Variants in CHAF1A observed in about 807,000 individuals in gnomAD.
CHAF1A encodes CAF-1 subunit A.
Under a neutral mutation model 93.2 loss-of-function variants are expected in CHAF1A, and 5 were observed. The observed-to-expected ratio is 0.05, with a 90% CI of 0.03 to 0.11. CHAF1A has a LOEUF of 0.11. Among genes scored for constraint, CHAF1A ranks in the 10% least tolerant of loss-of-function variants. The pLI is 1.00. For synonymous variants in CHAF1A, 504 were observed against 510.3 expected, an observed-to-expected ratio of 0.99 and a Z score of 0.17; for missense variants, 1,102 against 1,259.9, an observed-to-expected ratio of 0.87 and a Z score of 1.90.
chr19:4,446,364 C>T (rs1453179047), downstream of CHAF1A: 3 of 1,573,324 alleles, frequency 1.9e-6, no homozygotes, highest in Middle Eastern at 3.3e-4. Context: ...TCCTCCTTCT[C>T]CCGCATGGCC....
chr19:4,423,040 C>T (rs983957417), intron 5 of CHAF1A, among the ~76,000 whole-genome samples: 10 of 152,322 alleles, frequency 6.6e-5, no homozygotes, highest in Middle Eastern at 3.4e-3. Flanking sequence ...GACCATCCTT[C>T]CAGTTCCCAA....
intron 7 of CHAF1A, 22 bp from the exon 8 acceptor site, chr19:4,428,642 T>C (rs954529748): frequency 6.3e-7 from 1 of 1,597,170 alleles, no homozygotes; most frequent in Non-Finnish European, 8.6e-7. Context: ...GAAGACCCCA[T>C]CGGGTCTCTT....
intron 3 of CHAF1A, among the ~76,000 whole-genome samples, chr19:4,411,793 G>A (rs1019961315): frequency 6.6e-6 from 1 of 151,622 alleles, no homozygotes; most frequent in Non-Finnish European, 1.5e-5. Flanking sequence ...GATTACAGGT[G>A]CCCACCACCA....
chr19:4,445,270 G>T, downstream of CHAF1A: 1 of 607,780 alleles, frequency 1.6e-6, no homozygotes, highest in Non-Finnish European at 2.8e-6. Flanking sequence ...ATTTGTTGGT[G>T]TCCCCAGGCC....
chr19:4,403,161 C>A (rs901883724), intron 1 of CHAF1A, among the ~76,000 whole-genome samples: 1 of 152,156 alleles, frequency 6.6e-6, no homozygotes, highest in Admixed American at 6.5e-5. Context: ...GCGTTTGTGT[C>A]CCTTGACCAT....
chr19:4,431,887 CAA>C, intron 11 of CHAF1A, 63 bp from the exon 12 acceptor site: 2 of 1,538,090 alleles, frequency 1.3e-6, no homozygotes, highest in South Asian at 1.3e-5. Context: ...ACTGGTTCCT[CAA>C]AAGAGTGCCC....
chr19:4,450,725 C>T, the CHAF1A span: 9 of 125,238 alleles, frequency 7.2e-5, no homozygotes, highest in East Asian at 1.1e-3. Context: ...CGCCACTGCA[C>T]TCCAGCCTGG....
intron 3 of CHAF1A, among the ~76,000 whole-genome samples, chr19:4,413,707 G>T (rs929107092): frequency 6.6e-6 from 1 of 152,152 alleles, no homozygotes; most frequent in African/African-American, 2.4e-5. Context: ...AGTTTGTTCC[G>T]ATACAGGTCC....
chr19:4,445,196 G>A, downstream of CHAF1A: 1 of 371,594 alleles, frequency 2.7e-6, no homozygotes, highest in South Asian at 2.5e-5. Context: ...TGCCCAGGGA[G>A]ATGCCACGTG....
chr19:4,446,535 G>A, downstream of CHAF1A: 2 of 1,611,976 alleles, frequency 1.2e-6, no homozygotes, highest in Non-Finnish European at 8.5e-7. Context: ...CCTCTGCTGT[G>A]AGGTTGAAGA....
At chr19:4,403,149 A>G (rs1973616561) in intron 1 of CHAF1A, among the ~76,000 whole-genome samples, 1 of 152,046 alleles carries the variant, frequency 6.6e-6, no homozygotes, top group Non-Finnish European at 1.5e-5. Context: ...AGGTTACTGG[A>G]TGCGTTTGTG....
intron 3 of CHAF1A, among the ~76,000 whole-genome samples, chr19:4,415,064 C>T (rs1041679586): frequency 6.6e-6 from 1 of 151,966 alleles, no homozygotes; most frequent in Non-Finnish European, 1.5e-5. Flanking sequence ...TTGGGATTGT[C>T]GGTTTTTGTG....
the CHAF1A span, chr19:4,450,786 A>AAAAAAGG: frequency 2.1e-5 from 3 of 139,770 alleles, no homozygotes; most frequent in Non-Finnish European, 4.6e-5. Context: ...AAAAAAAAAA[A>AAAAAAGG]GAGTGCCTAC....
At chr19:4,412,160 T>C (rs1973817064) in intron 3 of CHAF1A, among the ~76,000 whole-genome samples, 1 of 152,230 alleles carries the variant, frequency 6.6e-6, no homozygotes, top group Non-Finnish European at 1.5e-5. Context: ...CCATTGGGCA[T>C]CCTGTAGTGT....
Position 4,411,642 on chromosome 19 carries a change from A to ATTTTTTTTTTTTTTTTTT in CHAF1A, c.960+1884_960+1885insTTTTTTTTTTTTTTTTTT, listed in dbSNP as rs1202069647. Among the ~76,000 whole-genome samples the ATTTTTTTTTTTTTTTTTT allele has an allele frequency of 1.3e-3, 50 of 38,014 alleles. 1 individual carries two copies. Among genetic ancestry groups the ATTTTTTTTTTTTTTTTTT allele is most frequent in the Non-Finnish European group, 1.6e-3 (26 of 16,664 alleles). 24.9% of individuals were successfully genotyped at this position (38,014 alleles called of 152,430 possible). ...ATGAAATGTTGTAAAAATGGTGCAA[A>ATTTTTTTTTTTTTTTTTT]TCTTTTTTTTTTTTTTTTTTTTTGA... On this transcript the variant is annotated intron_variant, in intron 3 of 14. Transcript: ENST00000301280.
Position 4,429,777 on chromosome 19 carries a change from C to T in CHAF1A, c.1843C>T (p.His615Tyr). 1 of 1,613,270 alleles carries T rather than the reference C, an allele frequency of 6.2e-7. No homozygotes were observed. The highest frequency in any genetic ancestry group is 8.5e-7 in the Non-Finnish European group (1 of 1,179,572). Residue 615 changes from histidine (H) to tyrosine (Y), a missense_variant, in exon 10 of 15, where the codon CAC (histidine) becomes TAC (tyrosine). His to Tyr is a moderately conservative substitution (Grantham distance 83). Around this residue, in one of 6 missense-constraint regions of CHAF1A, gnomAD observed 335 missense variants for 361.9 expected, o/e 0.93. Coordinates refer to ENST00000301280, the MANE Select transcript of CHAF1A (RefSeq NM_005483.3). Reference protein sequence around the residue: ...EEEEPGESLSHSEGDDDDDMG... With the variant: ...EEEEPGESLSYSEGDDDDDMG... ...AGAGGAGCCTGGGGAGTCCCTGTCC[C>T]ACAGTGAGGGGGTAAGGATGTGCCC...
chr19:4,446,917 G>T (rs758984301), downstream of CHAF1A: 1 of 1,613,670 alleles, frequency 6.2e-7, no homozygotes, highest in African/African-American at 1.3e-5. Flanking sequence ...CAGTTAATGC[G>T]CTCCTGGGGG....
chr19:4,406,636 T>C lies in CHAF1A; in HGVS notation c.103+674T>C, dbSNP rs879695292. ...TTTTAGTAGAGATGGGGTTTTACCATGTTGGCCGGGATGGTCTCGATCTCC... is the reference window on the plus strand; with the variant it reads ...TTTTAGTAGAGATGGGGTTTTACCACGTTGGCCGGGATGGTCTCGATCTCC... On this transcript the variant is annotated intron_variant, in intron 2 of 14. Transcript: ENST00000301280. Among the ~76,000 whole-genome samples the C allele has an allele frequency of 1.9e-4, 29 of 152,228 alleles. No individual in the cohort carries two copies. In the East Asian group the frequency reaches 5.4e-3, roughly 28 times the overall value.
At position 4,442,278 on chromosome 19, in the gene CHAF1A, G is replaced by A; in HGVS notation, c.2707G>A (p.Asp903Asn). 1.2e-6 allele frequency: 2 copies of A among 1,613,986 alleles called. No homozygotes were observed. Among genetic ancestry groups the A allele is most frequent in the East Asian group, 2.2e-5 (1 of 44,882 alleles). ...GAEDMDGFQA[D>N]TEEEEEEEGD... Reference sequence around the variant, plus strand: ...TGAAGACATGGACGGCTTCCAGGCAGACACGGAGGAGGAGGAAGAGGAGGA... The same window carrying A: ...TGAAGACATGGACGGCTTCCAGGCAAACACGGAGGAGGAGGAAGAGGAGGA... Residue 903 changes from aspartate (D) to asparagine (N), a missense_variant, in exon 14 of 15, where the codon GAC (aspartate) becomes AAC (asparagine). Asp to Asn is a conservative substitution (Grantham distance 23). This residue lies in a region of CHAF1A where 119 missense variants were observed against 102.2 expected (regional missense o/e 1.16). Transcript: ENST00000301280.
Sources: gnomAD v4.1 joint callset for allele counts (sites outside exome capture counted in the v4.1 genomes callset) on GRCh38, gnomAD v4.1.1 for gene constraint, gnomAD v4.1.1 regional missense constraint, MANE v1.5 for transcripts, NCBI Gene and HGNC (gene_info 2026-07-23, HGNC 2026-07-21) for gene names.